The following ERG variants were observed in gnomAD, a reference collection of about 807,000 sequenced individuals.
The protein encoded by ERG is transcriptional regulator ERG.
Under a neutral mutation model 55.3 loss-of-function variants are expected in ERG, and 9 were observed. That is an observed-to-expected ratio of 0.16 (90% CI 0.10 to 0.28). ERG has a LOEUF of 0.28. Ranked by LOEUF, ERG falls within the 10% of genes least tolerant of loss-of-function variation. The pLI is 1.00. For synonymous variants in ERG, 223 were observed against 237.3 expected, an observed-to-expected ratio of 0.94 and a Z score of 0.55; for missense variants, 434 against 631.6, an observed-to-expected ratio of 0.69 and a Z score of 3.35.
the ERG span, among the ~76,000 whole-genome samples, chr21:38,371,543 G>A: frequency 6.6e-6 from 1 of 151,994 alleles, no homozygotes; most frequent in African/African-American, 2.4e-5. Context: ...AGTTAAAGAA[G>A]TCATATTCTT....
chr21:38,555,721 A>G (rs1356911210), intron 2 of ERG, among the ~76,000 whole-genome samples: 1 of 152,222 alleles, frequency 6.6e-6, no homozygotes, highest in African/African-American at 2.4e-5. Flanking sequence ...CACTTCTAAT[A>G]AAGTTAATAA....
At chr21:38,539,862 C>T (rs1455560558) in intron 2 of ERG, among the ~76,000 whole-genome samples, 2 of 151,040 alleles carry the variant, frequency 1.3e-5, no homozygotes, top group African/African-American at 4.9e-5. Context: ...TGACTCATCA[C>T]AGAGGTATAA....
At chr21:38,576,744 C>G (rs1374785575) in intron 1 of ERG, among the ~76,000 whole-genome samples, 1 of 152,150 alleles carries the variant, frequency 6.6e-6, no homozygotes, top group East Asian at 1.9e-4. Flanking sequence ...ACGTGGCCCC[C>G]TCTGGAGAGC....
chr21:38,563,526 T>C (rs1299858259), intron 2 of ERG, among the ~76,000 whole-genome samples: 1 of 152,236 alleles, frequency 6.6e-6, no homozygotes, highest in Non-Finnish European at 1.5e-5. Flanking sequence ...ACGTCCTCTC[T>C]GCTATAAATT....
chr21:38,505,652 G>C (rs1004798210), intron 2 of ERG, among the ~76,000 whole-genome samples: 1 of 152,178 alleles, frequency 6.6e-6, no homozygotes, highest in African/African-American at 2.4e-5. Flanking sequence ...TATTATAGCC[G>C]ATAGGGATAA....
chr21:38,554,131 G>A (rs749588139), intron 2 of ERG, among the ~76,000 whole-genome samples: 1 of 152,124 alleles, frequency 6.6e-6, no homozygotes, highest in South Asian at 2.1e-4. Flanking sequence ...ACCACCATGA[G>A]ATATCATGAC....
chr21:38,458,626 T>A (rs2059012529), intron 1 of ERG, among the ~76,000 whole-genome samples: 1 of 152,192 alleles, frequency 6.6e-6, no homozygotes, highest in East Asian at 1.9e-4. Context: ...ATCCAGGATC[T>A]CGCAAACGTT....
chr21:38,593,354 T>C (rs1396717887), intron 1 of ERG, among the ~76,000 whole-genome samples: 11 of 152,238 alleles, frequency 7.2e-5, no homozygotes, highest in Non-Finnish European at 1.5e-5. Context: ...CAGGGATTTT[T>C]TCCTTAAGCT....
At chr21:38,640,633 C>T (rs940438006) in intron 1 of ERG, among the ~76,000 whole-genome samples, 5 of 152,290 alleles carry the variant, frequency 3.3e-5, no homozygotes, top group Non-Finnish European at 5.9e-5. Context: ...GTAAGATGTG[C>T]CTTTCACCTT....
Position 38,380,527 on chromosome 21 carries a change from C to G in ERG, c.*2876G>C. The stretch of plus-strand genomic sequence containing the variant: ...AGCAGGAGTAAGATTGTACAGGAGT[C>G]TGAGTATACATCAGGGCAAGCCAAG... On this transcript the variant is annotated 3_prime_UTR_variant, in exon 10 of 10. Transcript: ENST00000288319. 1 of 1,065,774 alleles carries G rather than the reference C, an allele frequency of 9.4e-7. No individual in the cohort carries two copies. The highest frequency in any genetic ancestry group is 1.1e-6 in the Non-Finnish European group (1 of 879,618). The allele number at this position is 1,065,774 out of a possible 1,614,324, so 66.0% of individuals were successfully genotyped here.
chr21:38,441,652 TA>T (rs2058842138), intron 2 of ERG, among the ~76,000 whole-genome samples: 1 of 152,232 alleles, frequency 6.6e-6, no homozygotes, highest in Non-Finnish European at 1.5e-5. Context: ...CTTTCTCTTC[TA>T]CAAAGGGGAT....
rs573954285 is a variant in ERG, at chr21:38,403,783, C to T, written c.389-74G>A. Reference sequence around the variant, plus strand: ...TCATCTTGGGGTAGATCCCCATCCACGTGGGATTTCTGACCAGCTGCCTTC... The same window carrying T: ...TCATCTTGGGGTAGATCCCCATCCATGTGGGATTTCTGACCAGCTGCCTTC... On this transcript the variant is annotated intron_variant, in intron 3 of 9. Transcript: ENST00000288319. 4.9e-6 allele frequency: 7 copies of T among 1,423,790 alleles called. No individual in the cohort carries two copies. In the East Asian group the frequency reaches 7.0e-5, roughly 14 times the overall value. The allele number at this position is 1,423,790 out of a possible 1,614,324, so 88.2% of individuals were successfully genotyped here.
intron 1 of ERG, among the ~76,000 whole-genome samples, chr21:38,650,637 A>G (rs1385622708): frequency 6.6e-6 from 1 of 152,198 alleles, no homozygotes; most frequent in Non-Finnish European, 1.5e-5. Context: ...ACTCTGTCTC[A>G]AGAAATAAAA....
At chr21:38,580,435 GAT>G (rs2060021835) in intron 1 of ERG, among the ~76,000 whole-genome samples, 1 of 152,186 alleles carries the variant, frequency 6.6e-6, no homozygotes. Flanking sequence ...AGTAGTTGGT[GAT>G]AGTTTCATGT....
intron 1 of ERG, among the ~76,000 whole-genome samples, chr21:38,623,630 G>A (rs539540898): frequency 3.0e-4 from 45 of 152,278 alleles, no homozygotes; most frequent in Non-Finnish European, 5.6e-4. Flanking sequence ...TGTTGCAGGC[G>A]TCCTGGTAGC....
At chr21:38,523,755 G>A (rs1009407454) in intron 2 of ERG, among the ~76,000 whole-genome samples, 3 of 152,132 alleles carry the variant, frequency 2.0e-5, no homozygotes, top group Non-Finnish European at 4.4e-5. Context: ...ATCTGGTTTC[G>A]AAAACATAAT....
chr21:38,468,667 G>A (rs926661431), intron 1 of ERG, among the ~76,000 whole-genome samples: 12 of 152,090 alleles, frequency 7.9e-5, no homozygotes, highest in Admixed American at 3.9e-4. Flanking sequence ...CTGCCATGTC[G>A]GTGAAAAGAC....
intron 2 of ERG, among the ~76,000 whole-genome samples, chr21:38,554,715 T>C (rs1310580964): frequency 1.3e-5 from 2 of 152,052 alleles, no homozygotes; most frequent in African/African-American, 2.4e-5. Flanking sequence ...AAACTACCAA[T>C]TGGGCACTAT....
intron 3 of ERG, among the ~76,000 whole-genome samples, chr21:38,417,289 C>A (rs972824965): frequency 6.6e-6 from 1 of 152,124 alleles, no homozygotes; most frequent in African/African-American, 2.4e-5. Flanking sequence ...AGCTTTTATT[C>A]ACGGTGAATG....
Sources: gnomAD v4.1 joint callset for allele counts (sites outside exome capture counted in the v4.1 genomes callset) on GRCh38, gnomAD v4.1.1 for gene constraint, MANE v1.5 for transcripts, NCBI Gene and HGNC (gene_info 2026-07-23, HGNC 2026-07-21) for gene names.